Variants in CCSER1 observed in about 807,000 individuals in gnomAD.
The protein encoded by CCSER1 is serine-rich coiled-coil domain-containing protein 1.
In CCSER1, 41 loss-of-function variants were observed where a neutral mutation model predicts 82.0. The ratio of observed to expected loss-of-function variants is 0.50; its 90% CI spans 0.39 to 0.65. The LOEUF (loss-of-function observed/expected upper bound fraction) is 0.65. Ranked by LOEUF, CCSER1 falls within the 30% of genes least tolerant of loss-of-function variation. The pLI, the probability that CCSER1 is intolerant of heterozygous loss-of-function variation, is 0.00. For synonymous variants in CCSER1, 414 were observed against 383.9 expected (o/e 1.08, Z -0.92); for missense variants, 1,119 against 1,064.2 (o/e 1.05, Z -0.72).
At chr4:91,126,335 A>G (rs1727515503) in intron 10 of CCSER1, among the ~76,000 whole-genome samples, 1 of 151,922 alleles carries the variant, frequency 6.6e-6, no homozygotes, top group South Asian at 2.1e-4. Context: ...AGGCAAACTT[A>G]ATGACTGTCC....
At chr4:91,418,376 A>G (rs1045100030) in intron 10 of CCSER1, among the ~76,000 whole-genome samples, 4 of 151,756 alleles carry the variant, frequency 2.6e-5, no homozygotes, top group Admixed American at 6.6e-5. Context: ...TCAAATAAAT[A>G]AAATGTTAAA....
At chr4:91,393,996 A>G (rs2149352698) in intron 10 of CCSER1, among the ~76,000 whole-genome samples, 1 of 152,230 alleles carries the variant, frequency 6.6e-6, no homozygotes, top group African/African-American at 2.4e-5. Flanking sequence ...AAGATTTTGA[A>G]GGTAAATTGA....
rs577093487 is a variant in CCSER1, at chr4:91,556,944, T to C, written c.2218-41628T>C. ...TTTTTTAGAGAGGCCATTTTTTAGT[T>C]TTTGGTGAATCTTCTTATACATATT... is the stretch of plus-strand genomic sequence containing the variant. On this transcript the variant is annotated intron_variant, in intron 10 of 10. Coordinates refer to ENST00000509176, the MANE Select transcript of CCSER1 (RefSeq NM_001145065.2). Among the ~76,000 whole-genome samples, 8 of 151,316 alleles carry C rather than the reference T, an allele frequency of 5.3e-5. No individual in the cohort carries two copies. The South Asian group carries it at 1.2e-3, about 24-fold the overall frequency.
chr4:90,684,668 T>G (rs1050926131), intron 6 of CCSER1, among the ~76,000 whole-genome samples: 1 of 152,198 alleles, frequency 6.6e-6, no homozygotes, highest in Non-Finnish European at 1.5e-5. Flanking sequence ...GTTGTTGATA[T>G]GGTTTGGCTG....
intron 10 of CCSER1, among the ~76,000 whole-genome samples, chr4:91,166,021 T>C (rs1732024665): frequency 6.6e-6 from 1 of 152,230 alleles, no homozygotes; most frequent in South Asian, 2.1e-4. Context: ...TTGATCACGC[T>C]GGGATCTGTA....
intron 5 of CCSER1, among the ~76,000 whole-genome samples, chr4:90,488,209 T>G (rs1053988786): frequency 6.6e-6 from 1 of 151,916 alleles, no homozygotes; most frequent in Non-Finnish European, 1.5e-5. Flanking sequence ...TGAGACGGAG[T>G]CTCGCTCTGT....
At chr4:90,842,233 A>G (rs1412371882) in intron 8 of CCSER1, among the ~76,000 whole-genome samples, 2 of 152,192 alleles carry the variant, frequency 1.3e-5, no homozygotes, top group Non-Finnish European at 2.9e-5. Flanking sequence ...TAAAATGACA[A>G]TTGTTTATTA....
chr4:91,458,483 C>T (rs1756323734), intron 10 of CCSER1, among the ~76,000 whole-genome samples: 1 of 151,990 alleles, frequency 6.6e-6, no homozygotes, highest in Non-Finnish European at 1.5e-5. Flanking sequence ...TCTTTTTGCT[C>T]AGGATTCATT....
chr4:90,432,052 T>C (rs1231623760), intron 4 of CCSER1, among the ~76,000 whole-genome samples: 2 of 152,082 alleles, frequency 1.3e-5, no homozygotes, highest in South Asian at 2.1e-4. Context: ...CTAGAAATCT[T>C]GGGTAGTGCC....
At chr4:91,089,621 A>G (rs1009653598) in intron 10 of CCSER1, among the ~76,000 whole-genome samples, 1 of 152,216 alleles carries the variant, frequency 6.6e-6, no homozygotes, top group African/African-American at 2.4e-5. Context: ...ATTCTGGTGA[A>G]CTAAGGTAAT....
At position 91,590,534 on chromosome 4, in the gene CCSER1, C is replaced by T. The variant is rs545357718; in HGVS notation, c.2218-8038C>T. 3.9e-5 allele frequency among the ~76,000 whole-genome samples: 6 copies of T among 152,234 alleles called. No homozygotes were observed. In the South Asian group the frequency reaches 1.0e-3, roughly 26 times the overall value. ...AACCTTTTGAAGAGAACTTCTATTTCTCAGTGATGACAGGAAAAGGGCAGC... is the reference window on the plus strand; with the variant it reads ...AACCTTTTGAAGAGAACTTCTATTTTTCAGTGATGACAGGAAAAGGGCAGC... On this transcript the variant is annotated intron_variant, in intron 10 of 10. Transcript: ENST00000509176.
chr4:90,488,246 A>G (rs1443894044), intron 5 of CCSER1, among the ~76,000 whole-genome samples: 2 of 152,120 alleles, frequency 1.3e-5, no homozygotes, highest in Non-Finnish European at 2.9e-5. Context: ...CAGTGGCGTG[A>G]TCTCAGCACA....
intron 9 of CCSER1, among the ~76,000 whole-genome samples, chr4:90,990,266 C>A (rs11727994): frequency 0.58 from 87,845 of 151,550 alleles, 25,736 homozygotes; most frequent in East Asian, 0.8. Context: ...AAAGGCCTGA[C>A]CTCTGTATCC....
intron 1 of CCSER1, among the ~76,000 whole-genome samples, chr4:90,237,021 T>C (rs1284196459): frequency 3.9e-5 from 6 of 152,152 alleles, no homozygotes; most frequent in African/African-American, 1.2e-4. Flanking sequence ...AATATGGATA[T>C]GGGTTTTGTT....
At chr4:90,419,962 C>T (rs1756429579) in intron 4 of CCSER1, among the ~76,000 whole-genome samples, 1 of 151,736 alleles carries the variant, frequency 6.6e-6, no homozygotes, top group South Asian at 2.1e-4. Flanking sequence ...CATATTCTTT[C>T]CCCAGGTTCT....
chr4:90,299,831 G>A (rs946989070), intron 1 of CCSER1, among the ~76,000 whole-genome samples: 8 of 152,020 alleles, frequency 5.3e-5, no homozygotes, highest in Non-Finnish European at 7.4e-5. Context: ...ATATAATTAG[G>A]TAAGACTGGG....
At chr4:90,267,089 C>G (rs1725371794) in intron 1 of CCSER1, among the ~76,000 whole-genome samples, 1 of 151,958 alleles carries the variant, frequency 6.6e-6, no homozygotes, top group East Asian at 1.9e-4. Flanking sequence ...CTAGGCCTAC[C>G]CTGGGCCAGA....
intron 10 of CCSER1, among the ~76,000 whole-genome samples, chr4:91,330,440 A>C (rs1746868366): frequency 6.6e-6 from 1 of 152,138 alleles, no homozygotes; most frequent in Non-Finnish European, 1.5e-5. Flanking sequence ...ACAGAGTCTT[A>C]GGAAATTTTC....
chr4:90,511,006 CAA>C (rs1771414303), intron 5 of CCSER1, among the ~76,000 whole-genome samples: 1 of 152,110 alleles, frequency 6.6e-6, no homozygotes, highest in Admixed American at 6.6e-5. Context: ...GAAAAACCAG[CAA>C]AGAGACTGGA....
Sources: gnomAD v4.1 joint callset for allele counts (sites outside exome capture counted in the v4.1 genomes callset) on GRCh38, gnomAD v4.1.1 for gene constraint, MANE v1.5 for transcripts, NCBI Gene and HGNC (gene_info 2026-07-23, HGNC 2026-07-21) for gene names.